The following LARGE1 variants were observed in gnomAD, a reference collection of about 807,000 sequenced individuals.
The protein encoded by LARGE1 is LARGE xylosyl- and glucuronyltransferase 1, also known as xylosyl- and glucuronyltransferase LARGE1.
Under a neutral mutation model 87.6 loss-of-function variants are expected in LARGE1, and 43 were observed. That is an observed-to-expected ratio of 0.49 (90% CI 0.38 to 0.63). The LOEUF is 0.63. Ranked by LOEUF, LARGE1 falls within the 30% of genes least tolerant of loss-of-function variation. LARGE1 has a pLI of 0.00. For missense variants in LARGE1, 802 were observed against 1,000.2 expected (o/e 0.80, Z 2.67); for synonymous variants, 434 against 394.6 (o/e 1.10, Z -1.18).
chr22:33,668,070 G>A (rs1459614331), intron 2 of LARGE1, among the ~76,000 whole-genome samples: 5 of 152,248 alleles, frequency 3.3e-5, no homozygotes, highest in African/African-American at 1.2e-4. Context: ...TTAGGCTACT[G>A]TTCCAAAATA....
At chr22:33,722,742 G>C (rs1164601687) in intron 2 of LARGE1, among the ~76,000 whole-genome samples, 2 of 152,156 alleles carry the variant, frequency 1.3e-5, no homozygotes, top group East Asian at 3.9e-4. Context: ...ACAGTGAAGA[G>C]GGACTCTACA....
intron 11 of LARGE1, among the ~76,000 whole-genome samples, chr22:33,263,197 T>C (rs925481680): frequency 6.6e-6 from 1 of 152,146 alleles, no homozygotes; most frequent in Non-Finnish European, 1.5e-5. Flanking sequence ...CCGGCCGACA[T>C]CCTTTCTTTG....
At chr22:33,521,453 T>C (rs925331624) in intron 6 of LARGE1, among the ~76,000 whole-genome samples, 2 of 152,212 alleles carry the variant, frequency 1.3e-5, no homozygotes, top group Non-Finnish European at 1.5e-5. Context: ...TAGCCCGGGT[T>C]TGTTCACAAC....
intron 6 of LARGE1, among the ~76,000 whole-genome samples, chr22:33,546,773 G>A (rs570069002): frequency 2.6e-5 from 4 of 152,190 alleles, no homozygotes; most frequent in South Asian, 2.1e-4. Context: ...TAGTAGAGAT[G>A]GGGTTTCACA....
At chr22:33,246,893 A>G (rs1926785467) in intron 11 of LARGE1, among the ~76,000 whole-genome samples, 1 of 152,242 alleles carries the variant, frequency 6.6e-6, no homozygotes, top group South Asian at 2.1e-4. Context: ...AGAACAGCAC[A>G]AAATGTGCTG....
intron 11 of LARGE1, among the ~76,000 whole-genome samples, chr22:33,232,163 C>T (rs763505977): frequency 1.3e-5 from 2 of 152,212 alleles, no homozygotes; most frequent in African/African-American, 2.4e-5. Flanking sequence ...CACAATAGAG[C>T]CGATTTTCAC....
chr22:33,392,901 C>A (rs1011667189), intron 7 of LARGE1, among the ~76,000 whole-genome samples: 9 of 152,096 alleles, frequency 5.9e-5, no homozygotes, highest in Non-Finnish European at 1.3e-4. Flanking sequence ...GAAATATTTG[C>A]AATATTTGCA....
chr22:33,081,308 T>C, the LARGE1 span, among the ~76,000 whole-genome samples: 2 of 152,214 alleles, frequency 1.3e-5, no homozygotes, highest in African/African-American at 4.8e-5. Flanking sequence ...AGATTAATAC[T>C]GATACAATAG....
intron 11 of LARGE1, among the ~76,000 whole-genome samples, chr22:33,212,529 T>C (rs1194164774): frequency 6.6e-6 from 1 of 152,262 alleles, no homozygotes; most frequent in East Asian, 1.9e-4. Context: ...AAGATTAATG[T>C]TGCTTTCATG....
intron 6 of LARGE1, among the ~76,000 whole-genome samples, chr22:33,435,489 G>A (rs1290775511): frequency 2.0e-5 from 3 of 152,188 alleles, no homozygotes; most frequent in African/African-American, 4.8e-5. Flanking sequence ...ATGACATCTA[G>A]TGGGTTAACC....
Position 33,378,707 on chromosome 22 carries a change from A to G in LARGE1, c.1131+3212T>C, listed in dbSNP as rs528997402. Reference sequence around the variant, plus strand: ...TCTTCAACACTAGCTGGGTCCCTATAATTTAATACAACAGTGACACTACCT... The same window carrying G: ...TCTTCAACACTAGCTGGGTCCCTATGATTTAATACAACAGTGACACTACCT... On this transcript the variant is annotated intron_variant, in intron 9 of 14. Transcript: ENST00000397394. Among the ~76,000 whole-genome samples the G allele has an allele frequency of 6.6e-5, 10 of 152,302 alleles. No individual in the cohort carries two copies. The East Asian group carries it at 1.5e-3, about 23-fold the overall frequency.
chr22:33,404,787 A>C (rs1193700514), intron 7 of LARGE1, among the ~76,000 whole-genome samples: 1 of 152,208 alleles, frequency 6.6e-6, no homozygotes, highest in Non-Finnish European at 1.5e-5. Context: ...ATAACCCCCA[A>C]GTAAGGGGGA....
At chr22:33,588,960 C>CT (rs1290944115) in intron 5 of LARGE1, among the ~76,000 whole-genome samples, 64 of 152,338 alleles carry the variant, frequency 4.2e-4, no homozygotes, top group Middle Eastern at 3.4e-3. Context: ...TATCTGGTGT[C>CT]TGACAGACCT....
rs1249469124 is a variant in LARGE1 at position 33,766,939 on chromosome 22, T to C, written c.-82-5381A>G. ...ATATATATATATATATATATATATATATATATATATATATATATATATATA... is the reference window on the plus strand; with the variant it reads ...ATATATATATATATATATATATATACATATATATATATATATATATATATA... On this transcript the variant is annotated intron_variant, in intron 1 of 14. Coordinates refer to ENST00000397394, the MANE Select transcript of LARGE1 (RefSeq NM_133642.5). Among the ~76,000 whole-genome samples the C allele has an allele frequency of 3.9e-4, 14 of 36,256 alleles. 1 individual carries two copies. The highest frequency in any genetic ancestry group is 8.7e-4 in the African/African-American group (11 of 12,652). 23.8% of individuals were successfully genotyped at this position (36,256 alleles called of 152,430 possible). A position where few individuals can be genotyped will look rare whatever the true frequency, so the allele number is the denominator to read the frequency against.
At chr22:33,320,003 G>T (rs532762812) in intron 10 of LARGE1, among the ~76,000 whole-genome samples, 4 of 152,286 alleles carry the variant, frequency 2.6e-5, no homozygotes, top group African/African-American at 9.6e-5. Context: ...TGCAATTAGG[G>T]ATATTCAGCT....
intron 6 of LARGE1, 152 bp from the exon 7 acceptor site, chr22:33,432,417 G>C: frequency 1.5e-6 from 1 of 673,516 alleles, no homozygotes; most frequent in Non-Finnish European, 2.7e-6. Context: ...TGACCTAACA[G>C]CTTAACTTGC....
intron 2 of LARGE1, among the ~76,000 whole-genome samples, chr22:33,759,028 A>C (rs1601545322): frequency 6.6e-6 from 1 of 152,146 alleles, no homozygotes; most frequent in African/African-American, 2.4e-5. Context: ...TCCTCTTTCT[A>C]CTGGGGTTGG....
chr22:33,305,340 A>G (rs1709784831), intron 11 of LARGE1, among the ~76,000 whole-genome samples: 1 of 149,356 alleles, frequency 6.7e-6, no homozygotes, highest in African/African-American at 2.5e-5. Flanking sequence ...GGGGAAAAAT[A>G]GAGCCCAGGG....
chr22:33,622,381 G>A (rs150605709), intron 4 of LARGE1, among the ~76,000 whole-genome samples: 144 of 152,136 alleles, frequency 9.5e-4, no homozygotes, highest in African/African-American at 3.3e-3. Context: ...TTCACCTTCC[G>A]CCATGATTAT....
Sources: allele counts gnomAD v4.1 joint callset (sites outside exome capture counted in the v4.1 genomes callset), GRCh38; gene constraint gnomAD v4.1.1; transcripts MANE v1.5; gene names NCBI Gene and HGNC (gene_info 2026-07-23, HGNC 2026-07-21).